Variants in RPS6KC1 observed in about 807,000 individuals in gnomAD.
RPS6KC1 encodes ribosomal protein S6 kinase C1, also known as inactive ribosomal protein S6 kinase delta-1.
A neutral mutation model predicts 103.8 loss-of-function variants in RPS6KC1; 54 were observed. The observed-to-expected ratio is 0.52, with a 90% CI of 0.42 to 0.65. The LOEUF is 0.65. Ranked by LOEUF, RPS6KC1 falls within the 30% of genes least tolerant of loss-of-function variation. The pLI is 0.00. For synonymous variants in RPS6KC1, 439 were observed against 438.7 expected, an observed-to-expected ratio of 1.00 and a Z score of -0.01; for missense variants, 1,151 against 1,253.8, an observed-to-expected ratio of 0.92 and a Z score of 1.24.
the RPS6KC1 span, among the ~76,000 whole-genome samples, chr1:213,282,237 C>T: frequency 1.3e-5 from 2 of 152,304 alleles, no homozygotes; most frequent in East Asian, 1.9e-4. Context: ...ATGAGCTGTG[C>T]GGAGAGGACA....
the RPS6KC1 span, among the ~76,000 whole-genome samples, chr1:213,658,535 T>C: frequency 2.6e-5 from 4 of 152,156 alleles, no homozygotes; most frequent in African/African-American, 9.7e-5. Context: ...AATAAGGTAA[T>C]GAGGCTAGGG....
chr1:213,680,105 C>G, the RPS6KC1 span, among the ~76,000 whole-genome samples: 2,142 of 152,086 alleles, frequency 0.014, 40 homozygotes, highest in East Asian at 0.064. Context: ...AAAGAAGGAA[C>G]GATCCAGAAT....
the RPS6KC1 span, among the ~76,000 whole-genome samples, chr1:213,523,980 G>T: frequency 6.6e-6 from 1 of 152,168 alleles, no homozygotes; most frequent in South Asian, 2.1e-4. Flanking sequence ...CAAGTACAAA[G>T]TCACGGCGGG....
the RPS6KC1 span, among the ~76,000 whole-genome samples, chr1:213,795,004 G>T: frequency 1.3e-5 from 2 of 152,118 alleles, no homozygotes; most frequent in Non-Finnish European, 2.9e-5. Context: ...TCACAATAAG[G>T]ACTTCCCATT....
chr1:213,361,449 C>G, the RPS6KC1 span, among the ~76,000 whole-genome samples: 64,436 of 151,882 alleles, frequency 0.42, 16,300 homozygotes, highest in African/African-American at 0.7. Context: ...TCCAGGTGCT[C>G]TCTGTCCCAG....
the RPS6KC1 span, among the ~76,000 whole-genome samples, chr1:213,773,767 A>T: frequency 2.0e-5 from 3 of 152,172 alleles, no homozygotes; most frequent in Non-Finnish European, 2.9e-5. Context: ...CATTGATTAG[A>T]TGACACTCAC....
At chr1:213,845,392 T>G in the RPS6KC1 span, among the ~76,000 whole-genome samples, 1 of 152,188 alleles carries the variant, frequency 6.6e-6, no homozygotes, top group Admixed American at 6.5e-5. Context: ...CCCCCATGCT[T>G]TTCAACACTA....
At chr1:213,623,309 A>G in the RPS6KC1 span, among the ~76,000 whole-genome samples, 11 of 152,286 alleles carry the variant, frequency 7.2e-5, no homozygotes, top group East Asian at 2.1e-3. Flanking sequence ...CACTGTGGGG[A>G]GATTTGCGGA....
intron 8 of RPS6KC1, among the ~76,000 whole-genome samples, chr1:213,226,999 AG>A (rs1053400030): frequency 5.3e-5 from 8 of 152,230 alleles, no homozygotes; most frequent in African/African-American, 1.9e-4. Flanking sequence ...GTATGGACAA[AG>A]TCCTGAGGTT....
the RPS6KC1 span, among the ~76,000 whole-genome samples, chr1:213,860,812 T>C: frequency 6.8e-6 from 1 of 146,598 alleles, no homozygotes; most frequent in Admixed American, 6.6e-5. Flanking sequence ...TCTTTTTCTT[T>C]TCTTTTTTTT....
the RPS6KC1 span, among the ~76,000 whole-genome samples, chr1:213,445,116 A>G: frequency 6.6e-6 from 1 of 152,310 alleles, no homozygotes; most frequent in South Asian, 2.1e-4. Flanking sequence ...GGCTTTTTGT[A>G]TCTGGCTTGT....
chr1:213,685,898 G>A, the RPS6KC1 span, among the ~76,000 whole-genome samples: 6 of 152,154 alleles, frequency 3.9e-5, no homozygotes, highest in African/African-American at 1.2e-4. Context: ...TTAAGAGCAG[G>A]TTGATGGTAA....
the RPS6KC1 span, among the ~76,000 whole-genome samples, chr1:213,520,937 C>T: frequency 0.011 from 1,667 of 152,296 alleles, 32 homozygotes; most frequent in African/African-American, 0.038. Flanking sequence ...CTCTCCATTC[C>T]TACTCCCCAG....
chr1:213,574,175 T>C, the RPS6KC1 span, among the ~76,000 whole-genome samples: 1 of 152,244 alleles, frequency 6.6e-6, no homozygotes, highest in South Asian at 2.1e-4. Context: ...GGGGCAGTGC[T>C]GGCATCCCCT....
chr1:213,625,733 A>G, the RPS6KC1 span, among the ~76,000 whole-genome samples: 4 of 152,158 alleles, frequency 2.6e-5, no homozygotes, highest in South Asian at 8.3e-4. Flanking sequence ...TCCAGCTTCA[A>G]CCATGTCCCT....
At chr1:213,176,891 A>C (rs1032669124) in intron 8 of RPS6KC1, among the ~76,000 whole-genome samples, 5 of 152,182 alleles carry the variant, frequency 3.3e-5, no homozygotes, top group Non-Finnish European at 7.3e-5. Flanking sequence ...AGCACCTACT[A>C]TATGTCGGAC....
chr1:213,767,212 G>A, the RPS6KC1 span, among the ~76,000 whole-genome samples: 13 of 152,072 alleles, frequency 8.5e-5, no homozygotes, highest in Admixed American at 6.6e-5. Flanking sequence ...AAAACCCTTC[G>A]CTATCTCTCC....
the RPS6KC1 span, among the ~76,000 whole-genome samples, chr1:213,427,752 C>T: frequency 6.6e-6 from 1 of 152,138 alleles, no homozygotes; most frequent in African/African-American, 2.4e-5. Flanking sequence ...GCAGGTTTTT[C>T]CAAATGTTCT....
chr1:213,385,366 G>A, the RPS6KC1 span, among the ~76,000 whole-genome samples: 1 of 152,180 alleles, frequency 6.6e-6, no homozygotes, highest in Non-Finnish European at 1.5e-5. Context: ...GAGAGGTGAA[G>A]AAACTTGCCC....
Sources: allele counts gnomAD v4.1 joint callset (sites outside exome capture counted in the v4.1 genomes callset), GRCh38; gene constraint gnomAD v4.1.1; transcripts MANE v1.5; gene names NCBI Gene and HGNC (gene_info 2026-07-23, HGNC 2026-07-21).